TPX2: variants seen among roughly 807,000 people sequenced by gnomAD.
TPX2 encodes the protein TPX2 microtubule nucleation factor.
Under a neutral mutation model 93.6 loss-of-function variants are expected in TPX2, and 21 were observed. The ratio of observed to expected loss-of-function variants is 0.22; its 90% CI spans 0.16 to 0.32. The LOEUF is 0.32. Ranked by LOEUF, TPX2 falls within the 10% of genes least tolerant of loss-of-function variation. The pLI is 1.00. For synonymous variants in TPX2, 281 were observed against 298.3 expected, an observed-to-expected ratio of 0.94 and a Z score of 0.60; for missense variants, 776 against 871.1, an observed-to-expected ratio of 0.89 and a Z score of 1.37.
At chr20:31,744,077 A>G (rs930761428) in intron 2 of TPX2, among the ~76,000 whole-genome samples, 2 of 151,506 alleles carry the variant, frequency 1.3e-5, no homozygotes, top group African/African-American at 4.9e-5. Flanking sequence ...ATCCACAGAT[A>G]TGGAACTCAT....
At position 31,770,898 on chromosome 20, in the gene TPX2, CTT is replaced by C. The variant is rs35680390; in HGVS notation, c.485+443_485+444del. Among the ~76,000 whole-genome samples, 371 of 120,248 alleles carry C rather than the reference CTT, an allele frequency of 3.1e-3. 4 individuals carry two copies. Among genetic ancestry groups the C allele is most frequent in the East Asian group, 0.011 (43 of 3,986 alleles). The allele number at this position is 120,248 out of a possible 152,430, so 78.9% of individuals were successfully genotyped here. On this transcript the variant is annotated intron_variant, in intron 6 of 17. Transcript: ENST00000300403. ...CTTTGGTTCAGTGGCTGATTTTTAG[CTT>C]TTTTTTTTTTTTTTTCGTACTTGTT...
intron 3 of TPX2, among the ~76,000 whole-genome samples, chr20:31,758,119 A>AT (rs35354345): frequency 0.013 from 1,447 of 115,230 alleles, 20 homozygotes; most frequent in East Asian, 0.021. Flanking sequence ...CCCTCAATTC[A>AT]TTTTTTTTTT....
intron 2 of TPX2, among the ~76,000 whole-genome samples, chr20:31,742,861 A>G (rs997980044): frequency 2.0e-5 from 3 of 152,282 alleles, no homozygotes; most frequent in African/African-American, 7.2e-5. Context: ...TTCTATGTCT[A>G]TATAGTCATT....
intron 2 of TPX2, among the ~76,000 whole-genome samples, chr20:31,755,181 C>T (rs1207170936): frequency 6.6e-6 from 1 of 152,096 alleles, no homozygotes; most frequent in African/African-American, 2.4e-5. Flanking sequence ...ATCTCCTGAC[C>T]TCGTGATCCA....
chr20:31,766,454 G>GGTGTGTGTGTGTGTGTGTGTGTGT (rs35700111), intron 4 of TPX2, 102 bp from the exon 5 acceptor site: 1 of 680,646 alleles, frequency 1.5e-6, no homozygotes, highest in African/African-American at 2.2e-5. Flanking sequence ...GCTTAGACAG[G>GGTGTGTGTGTGTGTGTGTGTGTGT]GTGTGTGTGT....
chr20:31,748,185 T>C (rs182802149), intron 2 of TPX2, among the ~76,000 whole-genome samples: 3 of 152,330 alleles, frequency 2.0e-5, no homozygotes, highest in East Asian at 3.9e-4. Context: ...GAACAGGTCA[T>C]GTTAGGAAAA....
chr20:31,753,610 A>G (rs2061833222), intron 2 of TPX2, among the ~76,000 whole-genome samples: 1 of 152,190 alleles, frequency 6.6e-6, no homozygotes, highest in Non-Finnish European at 1.5e-5. Flanking sequence ...TACCTCAATT[A>G]GAGCATTGTT....
At chr20:31,793,579 A>T (rs2062116467) in intron 13 of TPX2, among the ~76,000 whole-genome samples, 1 of 152,136 alleles carries the variant, frequency 6.6e-6, no homozygotes, top group Non-Finnish European at 1.5e-5. Context: ...CGATCTTCTG[A>T]TGTTCATTTT....
At chr20:31,752,896 G>A (rs1373949550) in intron 2 of TPX2, among the ~76,000 whole-genome samples, 2 of 152,256 alleles carry the variant, frequency 1.3e-5, no homozygotes, top group South Asian at 2.1e-4. Context: ...TTACAGGTGC[G>A]AGCCACTGAG....
chr20:31,782,281 A>G lies in TPX2; in HGVS notation c.1087A>G (p.Ile363Val), dbSNP rs2062037975. The stretch of plus-strand genomic sequence containing the variant: ...ACCCTCCAAATCTTCTGTGACCAAG[A>G]TTTGCAGAGACCCACAGACTCCTGT... ...LLPSKSSVTK[I>V]CRDPQTPVLQ... The change falls in exon 11 of 18, where the codon ATT (isoleucine) becomes GTT (valine). Residue 363 changes from isoleucine (I) to valine (V), a missense_variant. Around this residue, in one of 3 missense-constraint regions of TPX2, gnomAD observed 461 missense variants for 551.2 expected, o/e 0.84. Coordinates refer to ENST00000300403, the MANE Select transcript of TPX2 (RefSeq NM_012112.5). 6.2e-7 allele frequency: 1 copy of G among 1,613,208 alleles called. No homozygotes were observed. The highest frequency in any genetic ancestry group is 1.3e-5 in the African/African-American group (1 of 74,976).
At chr20:31,760,307 C>G in intron 4 of TPX2, 128 bp downstream of exon 4, 1 of 1,209,038 alleles carries the variant, frequency 8.3e-7, no homozygotes, top group East Asian at 2.6e-5. Context: ...TGGGCTAATT[C>G]ATTTCATGAT....
At chr20:31,786,341 C>A (rs1442600304) in intron 12 of TPX2, among the ~76,000 whole-genome samples, 2 of 147,246 alleles carry the variant, frequency 1.4e-5, no homozygotes, top group African/African-American at 2.5e-5. Context: ...AAAAAAAAAA[C>A]AACAGTCTAC....
intron 7 of TPX2, 42 bp from the exon 8 acceptor site, chr20:31,775,825 T>C: frequency 6.9e-7 from 1 of 1,439,750 alleles, no homozygotes; most frequent in Non-Finnish European, 9.2e-7. Context: ...ACTGGGTGCC[T>C]TTCTCCTCTC....
intron 3 of TPX2, 85 bp downstream of exon 3, chr20:31,757,667 GA>G (rs1288195717): frequency 9.8e-7 from 1 of 1,018,286 alleles, no homozygotes; most frequent in East Asian, 2.5e-5. Flanking sequence ...GGGGTTGCAA[GA>G]AAAGAACTAA....
At position 31,801,019 on chromosome 20, in the gene TPX2, C is replaced by A. The variant is rs1303917876; in HGVS notation, c.2183C>A (p.Ser728Ter). ...IRKYQGLEIK[S>*]SDQPLTVPVS... is the part of the protein sequence containing the mutation. ...AAGTACCAGGGTCTGGAGATAAAGT[C>A]AAGTGACCAGCCTCTGACTGTGCCT... The change falls in exon 18 of 18, where the codon TCA becomes TAA. Residue 728 changes from serine to a stop codon, truncating the protein, a stop_gained. Transcript: ENST00000300403. LOFTEE classifies it high-confidence loss of function. 6.2e-7 allele frequency: 1 copy of A among 1,614,096 alleles called. No homozygotes were observed. The highest frequency in any genetic ancestry group is 8.5e-7 in the Non-Finnish European group (1 of 1,180,048).
chr20:31,770,254 A>T, intron 5 of TPX2, 89 bp from the exon 6 acceptor site: 1 of 910,144 alleles, frequency 1.1e-6, no homozygotes, highest in Non-Finnish European at 1.5e-6. Context: ...TGCCCTTTGT[A>T]GTTTGACATC....
intron 6 of TPX2, 136 bp downstream of exon 6, chr20:31,770,607 T>C: frequency 1.2e-6 from 1 of 859,626 alleles, no homozygotes; most frequent in Admixed American, 3.3e-5. Flanking sequence ...ATATGTTTGG[T>C]GTACCTCAAG....
chr20:31,749,944 T>C (rs1232703706), intron 2 of TPX2, among the ~76,000 whole-genome samples: 2 of 152,056 alleles, frequency 1.3e-5, no homozygotes, highest in African/African-American at 2.4e-5. Flanking sequence ...AAATTAATTA[T>C]TATTATATTT....
In TPX2 at chr20:31,773,990, G is replaced by A. The variant is rs534518900; in HGVS notation, c.609-1877G>A. On this transcript the variant is annotated intron_variant, in intron 7 of 17. Coordinates refer to ENST00000300403, the MANE Select transcript of TPX2 (RefSeq NM_012112.5). ...GTGTTCAAGTGATTCTCCTCCCTCA[G>A]CCTCCCGAGTAGCTGGGATTACTGG... Among the ~76,000 whole-genome samples the A allele has an allele frequency of 2.0e-4, 31 of 152,016 alleles. No homozygotes were observed. In the East Asian group the frequency reaches 5.4e-3, roughly 27 times the overall value.
Sources: allele counts gnomAD v4.1 joint callset (sites outside exome capture counted in the v4.1 genomes callset), GRCh38; gene constraint gnomAD v4.1.1; regional missense constraint gnomAD v4.1.1; transcripts MANE v1.5; gene names NCBI Gene and HGNC (gene_info 2026-07-23, HGNC 2026-07-21).